The following RASA1 variants were observed in gnomAD, a reference collection of about 807,000 sequenced individuals.
The protein encoded by RASA1 is RAS p21 protein activator 1.
Under a neutral mutation model 132.2 loss-of-function variants are expected in RASA1, and 25 were observed. The observed-to-expected ratio is 0.19, with a 90% confidence interval of 0.14 to 0.26. The LOEUF is 0.26. Among genes scored for constraint, RASA1 ranks in the 10% least tolerant of loss-of-function variants. The probability of loss-of-function intolerance (pLI) is 1.00; values close to 1 mark genes in which losing one functional copy is unlikely to be tolerated. For missense variants in RASA1, 964 were observed against 1,299.2 expected, an observed-to-expected ratio of 0.74 and a Z score of 3.97; for synonymous variants, 477 against 449.9, an observed-to-expected ratio of 1.06 and a Z score of -0.76.
At chr5:87,368,369 T>C (rs1039363872) in intron 11 of RASA1, among the ~76,000 whole-genome samples, 2 of 152,176 alleles carry the variant, frequency 1.3e-5, no homozygotes, top group African/African-American at 4.8e-5. Context: ...ATTTTAATTA[T>C]AATTACTTGA....
At chr5:87,362,755 TAA>T in intron 10 of RASA1, 84 bp downstream of exon 10, 1 of 1,486,796 alleles carries the variant, frequency 6.7e-7, no homozygotes, top group East Asian at 2.3e-5. Flanking sequence ...ATATATTTAA[TAA>T]GTTTTGACAT....
intron 1 of RASA1, among the ~76,000 whole-genome samples, chr5:87,276,724 C>T (rs897153609): frequency 1.3e-5 from 2 of 152,200 alleles, no homozygotes; most frequent in African/African-American, 4.8e-5. Context: ...AAGGAAATTT[C>T]AGTATCATTC....
rs138841944 is a variant in RASA1, at chr5:87,365,946, C to G, written c.1610+2442C>G. Among the ~76,000 whole-genome samples the G allele has an allele frequency of 4.6e-3, 705 of 152,136 alleles. 5 individuals are homozygous for G. The highest frequency in any genetic ancestry group is 0.016 in the African/African-American group (663 of 41,518). On this transcript the variant is annotated intron_variant, in intron 11 of 24. Transcript: ENST00000274376. Reference sequence around the variant, plus strand: ...AATGAAATGGAGGCTGTAATAAAATCTAAGCTGCTTCAGTTGCATGTGTTT... The same window carrying G: ...AATGAAATGGAGGCTGTAATAAAATGTAAGCTGCTTCAGTTGCATGTGTTT...
intron 1 of RASA1, among the ~76,000 whole-genome samples, chr5:87,284,390 C>T (rs545774069): frequency 1.3e-5 from 2 of 152,280 alleles, no homozygotes; most frequent in South Asian, 4.1e-4. Context: ...TGTTCACTCA[C>T]ATCAGTTGGG....
chr5:87,311,489 T>C (rs1021736908), intron 1 of RASA1, among the ~76,000 whole-genome samples: 13 of 152,282 alleles, frequency 8.5e-5, no homozygotes, highest in African/African-American at 3.1e-4. Flanking sequence ...ACAGTAATAA[T>C]AGTTTATTAT....
chr5:87,391,855 T>C lies in RASA1; in HGVS notation c.*972T>C. 1 of 231,650 alleles carries C rather than the reference T, an allele frequency of 4.3e-6. No individual in the cohort carries two copies. Among genetic ancestry groups the C allele is most frequent in the Non-Finnish European group, 8.5e-6 (1 of 117,238 alleles). The allele number at this position is 231,650 out of a possible 1,614,324, so 14.3% of individuals were successfully genotyped here. A position where few individuals can be genotyped will look rare whatever the true frequency, so the allele number is the denominator to read the frequency against. On this transcript the variant is annotated 3_prime_UTR_variant, in exon 25 of 25. Coordinates refer to ENST00000274376, the MANE Select transcript of RASA1 (RefSeq NM_002890.3). ...CTGTATAGTTTTATTTACTTCTGTA[T>C]GTGTATTTTTGTGAAGTATTCACAA...
intron 1 of RASA1, among the ~76,000 whole-genome samples, chr5:87,273,424 G>A (rs1753933628): frequency 1.3e-5 from 2 of 152,064 alleles, no homozygotes; most frequent in Non-Finnish European, 2.9e-5. Flanking sequence ...TTAAATTAAA[G>A]AAGTTTGTCA....
rs764897931 is a variant in RASA1 at position 87,362,625 on chromosome 5, T to A, written c.1407T>A (p.Asp469Glu). ...ATACCATCCGTCGTAAAACAAAGGA[T>A]GCCTTTTATAAAAACATTGTTAAGA... ...IYNTIRRKTKDAFYKNIVKKG... is the reference protein window; with the variant it reads ...IYNTIRRKTKEAFYKNIVKKG... The change falls in exon 10 of 25, where the codon GAT becomes GAA. Residue 469 changes from aspartate to glutamate, a missense_variant. This residue lies in a region of RASA1 where 346 missense variants were observed against 520.1 expected (regional missense o/e 0.67). Coordinates refer to ENST00000274376, the MANE Select transcript of RASA1 (RefSeq NM_002890.3). 6.2e-7 allele frequency: 1 copy of A among 1,600,100 alleles called. No individual in the cohort carries two copies. Among genetic ancestry groups the A allele is most frequent in the South Asian group, 1.1e-5 (1 of 90,780 alleles).
At chr5:87,279,767 C>T (rs1754230721) in intron 1 of RASA1, among the ~76,000 whole-genome samples, 1 of 152,044 alleles carries the variant, frequency 6.6e-6, no homozygotes, top group Non-Finnish European at 1.5e-5. Flanking sequence ...TCAGGGTTCT[C>T]CAGAGAGAAT....
chr5:87,270,115 G>A (rs1436158108), intron 1 of RASA1, among the ~76,000 whole-genome samples: 6 of 151,182 alleles, frequency 4.0e-5, no homozygotes, highest in Admixed American at 3.3e-4. Flanking sequence ...GGTGGCACGC[G>A]CCTATAATCC....
At chr5:87,342,078 G>T (rs1206440648) in intron 6 of RASA1, among the ~76,000 whole-genome samples, 1 of 151,842 alleles carries the variant, frequency 6.6e-6, no homozygotes, top group East Asian at 1.9e-4. Flanking sequence ...TTCCATTAGT[G>T]AGACTGTACC....
In RASA1 at chr5:87,371,379, CAAACT is replaced by C. The variant is rs537106941; in HGVS notation, c.1699-735_1699-731del. On this transcript the variant is annotated intron_variant, in intron 12 of 24. Transcript: ENST00000274376. The stretch of plus-strand genomic sequence containing the variant: ...AGTTCAGCTTCATTGAAATAGCCAA[CAAACT>C]AAAGACATAATTGAATAAAGCAATA... 5.4e-3 allele frequency among the ~76,000 whole-genome samples: 820 copies of C among 152,090 alleles called. 10 individuals carry two copies. Among genetic ancestry groups the C allele is most frequent in the South Asian group, 0.034 (164 of 4,824 alleles).
chr5:87,299,063 C>A (rs184528509), intron 1 of RASA1, among the ~76,000 whole-genome samples: 1 of 152,242 alleles, frequency 6.6e-6, no homozygotes. Flanking sequence ...TCTTTATATC[C>A]TACTGCTCAA....
In RASA1 at chr5:87,363,617, C is replaced by G. The variant is rs544360121; in HGVS notation, c.1610+113C>G. ...AATCATCTTCTAAAAGTAGCAGATGCACTTTCTAGGTAATTTTTGCCTTCC... is the reference window on the plus strand; with the variant it reads ...AATCATCTTCTAAAAGTAGCAGATGGACTTTCTAGGTAATTTTTGCCTTCC... On this transcript the variant is annotated intron_variant, in intron 11 of 24. Coordinates refer to ENST00000274376, the MANE Select transcript of RASA1 (RefSeq NM_002890.3). 57 of 1,210,654 alleles carry G rather than the reference C, an allele frequency of 4.7e-5. No individual in the cohort carries two copies. The East Asian group carries it at 1.3e-3, about 27-fold the overall frequency. 75.0% of individuals were successfully genotyped at this position (1,210,654 alleles called of 1,614,324 possible). A position where few individuals can be genotyped will look rare whatever the true frequency, so the allele number is the denominator to read the frequency against.
chr5:87,301,335 G>C (rs2112285102), intron 1 of RASA1, among the ~76,000 whole-genome samples: 1 of 151,858 alleles, frequency 6.6e-6, no homozygotes, highest in Middle Eastern at 3.4e-3. Flanking sequence ...TTTTTCCCTT[G>C]GGTATACTTT....
intron 1 of RASA1, among the ~76,000 whole-genome samples, chr5:87,287,192 C>A (rs767028587): frequency 3.2e-4 from 44 of 137,616 alleles, no homozygotes; most frequent in Admixed American, 4.5e-4. Flanking sequence ...ATATACACAC[C>A]GTATATACAC....
intron 1 of RASA1, among the ~76,000 whole-genome samples, chr5:87,327,879 C>A (rs1757341911): frequency 6.6e-6 from 1 of 151,712 alleles, no homozygotes; most frequent in Non-Finnish European, 1.5e-5. Context: ...ACAGGAGAAT[C>A]ACTTGAACCC....
At chr5:87,302,757 C>G (rs1260557456) in intron 1 of RASA1, among the ~76,000 whole-genome samples, 1 of 150,550 alleles carries the variant, frequency 6.6e-6, no homozygotes, top group African/African-American at 2.4e-5. Context: ...CTGCCTAATA[C>G]GCACACCACC....
intron 6 of RASA1, among the ~76,000 whole-genome samples, chr5:87,346,021 A>G (rs996615424): frequency 5.3e-5 from 8 of 152,112 alleles, no homozygotes; most frequent in Admixed American, 3.9e-4. Context: ...AGGTTATTGT[A>G]TGCTCTATGT....
Sources: allele counts gnomAD v4.1 joint callset (sites outside exome capture counted in the v4.1 genomes callset), GRCh38; gene constraint gnomAD v4.1.1; regional missense constraint gnomAD v4.1.1; transcripts MANE v1.5; gene names NCBI Gene and HGNC (gene_info 2026-07-23, HGNC 2026-07-21).